PSMD11: variants seen among roughly 807,000 people sequenced by gnomAD.
PSMD11 encodes proteasome 26S subunit, non-ATPase 11.
PSMD11 carries 5 observed loss-of-function variants against 62.3 expected under a neutral mutation model. The ratio of observed to expected loss-of-function variants is 0.08; its 90% CI spans 0.04 to 0.17. PSMD11 has a LOEUF of 0.17. Among genes scored for constraint, PSMD11 ranks in the 10% least tolerant of loss-of-function variants. The probability of loss-of-function intolerance (pLI) is 1.00; values close to 1 mark genes in which losing one functional copy is unlikely to be tolerated. For synonymous variants in PSMD11, 191 were observed against 191.8 expected, an observed-to-expected ratio of 1.00 and a Z score of 0.03; for missense variants, 310 against 512.9, an observed-to-expected ratio of 0.60 and a Z score of 3.82.
At chr17:32,479,981 C>T in intron 11 of PSMD11, 95 bp downstream of exon 11, 1 of 1,509,858 alleles carries the variant, frequency 6.6e-7, no homozygotes, top group Non-Finnish European at 9.2e-7. Flanking sequence ...GAAAGCTCCC[C>T]AGCTTCTCAG....
intron 11 of PSMD11, 120 bp downstream of exon 11, chr17:32,480,006 T>C: frequency 6.7e-7 from 1 of 1,483,628 alleles, no homozygotes; most frequent in Non-Finnish European, 9.4e-7. Context: ...GAATGGGCAG[T>C]GTGGACTAGA....
At chr17:32,453,376 T>C (rs953298353) in intron 2 of PSMD11, among the ~76,000 whole-genome samples, 5 of 152,162 alleles carry the variant, frequency 3.3e-5, no homozygotes, top group South Asian at 2.1e-4. Context: ...AGCAGGAGTA[T>C]ATACTGTAGT....
At position 32,456,535 on chromosome 17, in the gene PSMD11, G is replaced by A. The variant is rs955202401; in HGVS notation, c.318+1916G>A. On this transcript the variant is annotated intron_variant, in intron 3 of 13. Coordinates refer to ENST00000261712, the MANE Select transcript of PSMD11 (RefSeq NM_002815.4). Reference sequence around the variant, plus strand: ...CTACAAACATGCATCACCATGCCTGGCTATTTTTTTTTGAGACGGAGTCTC... The same window carrying A: ...CTACAAACATGCATCACCATGCCTGACTATTTTTTTTTGAGACGGAGTCTC... Among the ~76,000 whole-genome samples the A allele has an allele frequency of 2.2e-4, 34 of 151,722 alleles. 1 individual carries two copies. The highest frequency in any genetic ancestry group is 2.2e-3 in the Admixed American group (34 of 15,234).
chr17:32,454,423 T>C, intron 2 of PSMD11, 72 bp from the exon 3 acceptor site: 1 of 1,517,444 alleles, frequency 6.6e-7, no homozygotes, highest in East Asian at 2.3e-5. Flanking sequence ...TGACGTTGGG[T>C]CAGTTTCTTA....
rs142111210 is a variant in PSMD11 at position 32,472,976 on chromosome 17, G to A, written c.644-825G>A. On this transcript the variant is annotated intron_variant, in intron 6 of 13. Coordinates refer to ENST00000261712, the MANE Select transcript of PSMD11 (RefSeq NM_002815.4). ...TTCAAGACTAGCCTGGCGAACATAC[G>A]GTGAAACCAGTCTCTACTAAAAATA... is the stretch of plus-strand genomic sequence containing the variant. 7.9e-5 allele frequency among the ~76,000 whole-genome samples: 12 copies of A among 151,162 alleles called. No homozygotes were observed. The East Asian group carries it at 2.4e-3, about 31-fold the overall frequency.
rs58292122 is a variant in PSMD11, at chr17:32,450,422, A to ATT, written c.193+3394_193+3395dup. Among the ~76,000 whole-genome samples the ATT allele has an allele frequency of 3.3e-3, 423 of 129,486 alleles. 2 individuals carry two copies. Among genetic ancestry groups the ATT allele is most frequent in the African/African-American group, 7.4e-3 (250 of 33,974 alleles). 84.9% of individuals were successfully genotyped at this position (129,486 alleles called of 152,430 possible). A position where few individuals can be genotyped will look rare whatever the true frequency, so the allele number is the denominator to read the frequency against. Reference sequence around the variant, plus strand: ...AGGCGTGAGCCACCATGCTCGGCTAATTTTTTTTTTTTTTTTTTTCTTTTA... The same window carrying ATT: ...AGGCGTGAGCCACCATGCTCGGCTAATTTTTTTTTTTTTTTTTTTTTCTTTTA... On this transcript the variant is annotated intron_variant, in intron 2 of 13. Transcript: ENST00000261712.
At chr17:32,474,355 T>C (rs1908257927) in intron 7 of PSMD11, among the ~76,000 whole-genome samples, 1 of 152,204 alleles carries the variant, frequency 6.6e-6, no homozygotes, top group African/African-American at 2.4e-5. Context: ...ACAGACCTAC[T>C]TATAAAGAAG....
At chr17:32,480,356 C>A in intron 12 of PSMD11, 133 bp from the exon 13 acceptor site, 1 of 1,449,418 alleles carries the variant, frequency 6.9e-7, no homozygotes, top group Non-Finnish European at 9.6e-7. Context: ...AGCATGTGTA[C>A]ATGGAATAGG....
In PSMD11 at chr17:32,482,353, A is replaced by T. The variant is rs1414141818; in HGVS notation, c.*1601A>T. The T allele has an allele frequency of 7.2e-5, 11 of 151,750 alleles. No individual in the cohort carries two copies. Among genetic ancestry groups the T allele is most frequent in the Admixed American group, 7.2e-4 (11 of 15,266 alleles). The allele number at this position is 151,750 out of a possible 1,614,324, so 9.4% of individuals were successfully genotyped here. On this transcript the variant is annotated 3_prime_UTR_variant, in exon 14 of 14. Transcript: ENST00000261712. ...ATATCTGATGTTCAGATGAGTTCCA[A>T]TAAAAATAATTTTTTTTTTTTTCAA... is the stretch of plus-strand genomic sequence containing the variant.
chr17:32,474,088 C>T (rs1210515718), intron 7 of PSMD11, 143 bp downstream of exon 7: 10 of 968,186 alleles, frequency 1.0e-5, no homozygotes, highest in African/African-American at 1.6e-5. Flanking sequence ...TAAGGTAGAG[C>T]GGGAGGATCA....
At chr17:32,454,387 T>C in intron 2 of PSMD11, 108 bp from the exon 3 acceptor site, 1 of 1,114,176 alleles carries the variant, frequency 9.0e-7, no homozygotes, top group Non-Finnish European at 1.3e-6. Flanking sequence ...TTAGACTGAT[T>C]CCAGTGATGT....
At chr17:32,444,883 G>C (rs1001356771) in intron 1 of PSMD11, 1 of 523,400 alleles carries the variant, frequency 1.9e-6, no homozygotes, top group Non-Finnish European at 3.3e-6. Flanking sequence ...GGCCGAGCCG[G>C]GCCCCCGGGG....
Position 32,464,032 on chromosome 17 carries a change from G to GTCC in PSMD11, c.319-15_319-14insCTC, listed in dbSNP as rs1907919757. 6.2e-7 allele frequency: 1 copy of GTCC among 1,611,816 alleles called. No individual in the cohort carries two copies. Among genetic ancestry groups the GTCC allele is most frequent in the African/African-American group, 1.3e-5 (1 of 74,860 alleles). ...TTGAGGACATAATGTTGCATGTACT[G>GTCC]TCTCTCCTTATTGCAGGTCGAGCTG... On this transcript the variant is annotated splice_polypyrimidine_tract_variant and intron_variant, in intron 3 of 13. Transcript: ENST00000261712.
chr17:32,455,572 C>A (rs536345041), intron 3 of PSMD11, among the ~76,000 whole-genome samples: 1 of 152,262 alleles, frequency 6.6e-6, no homozygotes, highest in South Asian at 2.1e-4. Flanking sequence ...TTTCAGAAAC[C>A]TAGGACACAT....
intron 3 of PSMD11, among the ~76,000 whole-genome samples, chr17:32,455,266 CTGTT>C (rs1188150239): frequency 6.6e-6 from 1 of 152,156 alleles, no homozygotes; most frequent in Non-Finnish European, 1.5e-5. Context: ...TTGCTTGAAT[CTGTT>C]TGTAGGAAGA....
intron 6 of PSMD11, among the ~76,000 whole-genome samples, chr17:32,472,636 C>G (rs960544149): frequency 2.6e-5 from 4 of 151,634 alleles, no homozygotes; most frequent in Non-Finnish European, 5.9e-5. Flanking sequence ...CTCCTGGGTT[C>G]AAGAGATTCT....
rs1397038022 is a variant in PSMD11 at position 32,482,795 on chromosome 17, AG to A, written c.*2044del. On this transcript the variant is annotated 3_prime_UTR_variant, in exon 14 of 14. Coordinates refer to ENST00000261712, the MANE Select transcript of PSMD11 (RefSeq NM_002815.4). ...GTTTCCTTTTGGAATCTTCAAAGGC[AG>A]CGATTTTCATATTGCCTCACACCCT... 6.6e-6 allele frequency: 1 copy of A among 152,246 alleles called. No individual in the cohort carries two copies. Among genetic ancestry groups the A allele is most frequent in the Non-Finnish European group, 1.5e-5 (1 of 68,102 alleles). The allele number at this position is 152,246 out of a possible 1,614,324, so 9.4% of individuals were successfully genotyped here.
In PSMD11 at chr17:32,467,200, C is replaced by T. The variant is rs200490181; in HGVS notation, c.449-1799C>T. On this transcript the variant is annotated intron_variant, in intron 5 of 13. Coordinates refer to ENST00000261712, the MANE Select transcript of PSMD11 (RefSeq NM_002815.4). Reference sequence around the variant, plus strand: ...CTTAGTGATCTGCCCGCCTTGGCCTCCCAAAGTTCTAGGATTACAGGCGTG... The same window carrying T: ...CTTAGTGATCTGCCCGCCTTGGCCTTCCAAAGTTCTAGGATTACAGGCGTG... 3.3e-5 allele frequency among the ~76,000 whole-genome samples: 5 copies of T among 151,452 alleles called. No homozygotes were observed. In the East Asian group the frequency reaches 9.7e-4, roughly 29 times the overall value.
rs541622188 is a variant in PSMD11 at position 32,474,948 on chromosome 17, C to T, written c.849+124C>T. ...TACTCTCTTCCTTCTGCCCCACTCA[C>T]TTCCTTCCCTTAAGCCCATTCAGTG... On this transcript the variant is annotated intron_variant, in intron 8 of 13. Transcript: ENST00000261712. 128 of 882,688 alleles carry T rather than the reference C, an allele frequency of 1.5e-4. 2 individuals are homozygous for T. In the South Asian group the frequency reaches 1.8e-3, roughly 12 times the overall value. The allele number at this position is 882,688 out of a possible 1,614,324, so 54.7% of individuals were successfully genotyped here.
Sources: gnomAD v4.1 joint callset for allele counts (sites outside exome capture counted in the v4.1 genomes callset) on GRCh38, gnomAD v4.1.1 for gene constraint, MANE v1.5 for transcripts, NCBI Gene and HGNC (gene_info 2026-07-23, HGNC 2026-07-21) for gene names.